SYCP1: variants seen among roughly 807,000 people sequenced by gnomAD.
The protein encoded by SYCP1 is cancer/testis antigen 8.
SYCP1 carries 64 observed loss-of-function variants against 153.1 expected under a neutral mutation model. The observed-to-expected ratio is 0.42, with a 90% confidence interval of 0.34 to 0.51. The LOEUF (loss-of-function observed/expected upper bound fraction) is 0.51. Among genes scored for constraint, SYCP1 ranks in the 20% least tolerant of loss-of-function variants. The probability of loss-of-function intolerance (pLI) is 0.06; values close to 1 mark genes in which losing one functional copy is unlikely to be tolerated. For missense variants in SYCP1, 997 were observed against 1,049.0 expected, an observed-to-expected ratio of 0.95 and a Z score of 0.68; for synonymous variants, 384 against 341.8, an observed-to-expected ratio of 1.12 and a Z score of -1.36.
Position 114,981,596 on chromosome 1 carries a change from G to T in SYCP1, c.2559+84G>T, listed in dbSNP as rs558931569. 15 of 1,158,378 alleles carry T rather than the reference G, an allele frequency of 1.3e-5. No homozygotes were observed. The East Asian group carries it at 4.1e-4, about 31-fold the overall frequency. The allele number at this position is 1,158,378 out of a possible 1,614,324, so 71.8% of individuals were successfully genotyped here. A position where few individuals can be genotyped will look rare whatever the true frequency, so the allele number is the denominator to read the frequency against. ...GTTATCACCATATATCTGGCATCAC[G>T]CACACATATATAACTAGTTTCTTGA... On this transcript the variant is annotated intron_variant, in intron 29 of 31. Coordinates refer to ENST00000369522, the MANE Select transcript of SYCP1 (RefSeq NM_003176.4).
intron 23 of SYCP1, among the ~76,000 whole-genome samples, chr1:114,929,538 A>G (rs1669489479): frequency 6.6e-6 from 1 of 152,108 alleles, no homozygotes; most frequent in Non-Finnish European, 1.5e-5. Flanking sequence ...AATAGTAAGC[A>G]TAAGAAAGTG....
chr1:114,897,792 A>T (rs1382916708), intron 16 of SYCP1, among the ~76,000 whole-genome samples: 1 of 152,168 alleles, frequency 6.6e-6, no homozygotes, highest in Admixed American at 6.5e-5. Context: ...AATACCAGGG[A>T]TATGTGAGGG....
intron 30 of SYCP1, among the ~76,000 whole-genome samples, chr1:114,991,345 G>T (rs1673909316): frequency 1.3e-5 from 2 of 151,632 alleles, no homozygotes; most frequent in South Asian, 2.1e-4. Context: ...GCATATAAAG[G>T]CACCACAAGA....
At chr1:114,900,261 T>C (rs1667337094) in intron 16 of SYCP1, among the ~76,000 whole-genome samples, 1 of 152,156 alleles carries the variant, frequency 6.6e-6, no homozygotes, top group Non-Finnish European at 1.5e-5. Flanking sequence ...AGGCAACAAT[T>C]TACATTTTTA....
chr1:114,876,890 T>A (rs1190192125), intron 11 of SYCP1, 80 bp downstream of exon 11: 1 of 716,898 alleles, frequency 1.4e-6, no homozygotes, highest in Non-Finnish European at 2.0e-6. Context: ...GAAGTTTATA[T>A]TTACTGAAAG....
intron 29 of SYCP1, 82 bp from the exon 30 acceptor site, chr1:114,984,643 C>A: frequency 8.6e-7 from 1 of 1,159,936 alleles, no homozygotes; most frequent in Non-Finnish European, 1.1e-6. Flanking sequence ...CTCAAATTGC[C>A]TTAAAATTAT....
At position 114,926,505 on chromosome 1, in the gene SYCP1, A is replaced by C; in HGVS notation, c.1868A>C (p.Lys623Thr). 1.3e-6 allele frequency: 2 copies of C among 1,587,460 alleles called. No individual in the cohort carries two copies. The highest frequency in any genetic ancestry group is 1.7e-6 in the Non-Finnish European group (2 of 1,166,998). ...AATTATTTTTAATTTTAACAGAATA[A>C]GGCCTTGAAAAAAAAAGGTACAGCA... ...KYIEELQQEN[K>T]ALKKKGTAES... The change falls in exon 23 of 32, where the codon AAG becomes ACG. Residue 623 changes from lysine to threonine, a missense_variant. Physicochemically the swap from Lys to Thr is moderately conservative, Grantham distance 78. Around this residue, in one of 2 missense-constraint regions of SYCP1, gnomAD observed 712 missense variants for 682.9 expected, o/e 1.04. Coordinates refer to ENST00000369522, the MANE Select transcript of SYCP1 (RefSeq NM_003176.4).
chr1:114,864,643 C>T (rs1050495597), intron 8 of SYCP1, among the ~76,000 whole-genome samples: 2 of 151,888 alleles, frequency 1.3e-5, no homozygotes, highest in Non-Finnish European at 2.9e-5. Context: ...TGCACACCAC[C>T]AGGGCTGTCT....
At chr1:114,925,497 A>C (rs1669194273) in intron 21 of SYCP1, among the ~76,000 whole-genome samples, 1 of 152,186 alleles carries the variant, frequency 6.6e-6, no homozygotes, top group Admixed American at 6.5e-5. Context: ...GAAAGAATCC[A>C]GGTTGTAAAT....
chr1:114,901,962 C>T (rs1667476710), intron 16 of SYCP1, among the ~76,000 whole-genome samples: 1 of 152,164 alleles, frequency 6.6e-6, no homozygotes, highest in Non-Finnish European at 1.5e-5. Flanking sequence ...GCAAGTTGTT[C>T]CTCCACTAGG....
At chr1:114,859,707 GC>G (rs1318346922) in intron 6 of SYCP1, 35 bp from the exon 7 acceptor site, 1 of 991,530 alleles carries the variant, frequency 1.0e-6, no homozygotes, top group Non-Finnish European at 1.3e-6. Context: ...TTGCTAATAA[GC>G]AAAATGGGAT....
Position 114,908,845 on chromosome 1 carries a change from T to C in SYCP1, c.1321-1552T>C, listed in dbSNP as rs531504615. On this transcript the variant is annotated intron_variant, in intron 16 of 31. Coordinates refer to ENST00000369522, the MANE Select transcript of SYCP1 (RefSeq NM_003176.4). ...TATACTGGGGTTAGCATATATCTGTTGCCTTTTCCCTTGAGAATGTTGACA... is the reference window on the plus strand; with the variant it reads ...TATACTGGGGTTAGCATATATCTGTCGCCTTTTCCCTTGAGAATGTTGACA... Among the ~76,000 whole-genome samples the C allele has an allele frequency of 5.3e-5, 8 of 152,348 alleles. No homozygotes were observed. The South Asian group carries it at 1.7e-3, about 32-fold the overall frequency.
intron 15 of SYCP1, among the ~76,000 whole-genome samples, chr1:114,893,965 G>T (rs1275008833): frequency 1.7e-4 from 24 of 139,518 alleles, no homozygotes; most frequent in East Asian, 4.2e-4. Context: ...AGTGTGAGTT[G>T]TTTTTTTTTT....
At chr1:114,867,724 T>C (rs1664860263) in intron 8 of SYCP1, among the ~76,000 whole-genome samples, 1 of 152,150 alleles carries the variant, frequency 6.6e-6, no homozygotes. Context: ...TTTTATTTCT[T>C]TTTTCTCAAT....
intron 8 of SYCP1, among the ~76,000 whole-genome samples, chr1:114,861,966 A>C (rs1162063801): frequency 2.0e-5 from 3 of 151,114 alleles, no homozygotes; most frequent in Non-Finnish European, 4.4e-5. Flanking sequence ...CACCCAGCTA[A>C]TTTTTTGTAT....
chr1:114,967,147 T>C (rs1282295488), intron 27 of SYCP1, among the ~76,000 whole-genome samples: 1 of 152,226 alleles, frequency 6.6e-6, no homozygotes, highest in Non-Finnish European at 1.5e-5. Flanking sequence ...GAATGTATAT[T>C]CTGTTGCTTT....
intron 30 of SYCP1, among the ~76,000 whole-genome samples, chr1:114,991,873 C>A (rs1673948926): frequency 6.6e-6 from 1 of 151,764 alleles, no homozygotes; most frequent in Admixed American, 6.6e-5. Flanking sequence ...CCTCTCTTCA[C>A]AGATGACATG....
chr1:114,934,908 A>C (rs1669891089), intron 23 of SYCP1, among the ~76,000 whole-genome samples: 1 of 152,200 alleles, frequency 6.6e-6, no homozygotes, highest in African/African-American at 2.4e-5. Flanking sequence ...TTCATAAAGC[A>C]AGTCCTTAGA....
chr1:114,857,932 T>C (rs1664124375), intron 5 of SYCP1, among the ~76,000 whole-genome samples: 1 of 152,012 alleles, frequency 6.6e-6, no homozygotes, highest in African/African-American at 2.4e-5. Context: ...GGTAAGGTAC[T>C]GTATGTTTGT....
Sources: gnomAD v4.1 joint callset for allele counts (sites outside exome capture counted in the v4.1 genomes callset) on GRCh38, gnomAD v4.1.1 for gene constraint, gnomAD v4.1.1 regional missense constraint, MANE v1.5 for transcripts, NCBI Gene and HGNC (gene_info 2026-07-23, HGNC 2026-07-21) for gene names.